The following EPSTI1 variants were observed in gnomAD, a reference collection of about 807,000 sequenced individuals.
EPSTI1 encodes the protein epithelial stromal interaction 1.
EPSTI1 carries 66 observed loss-of-function variants against 49.9 expected under a neutral mutation model. The ratio of observed to expected loss-of-function variants is 1.32; its 90% CI spans 1.08 to 1.62. The LOEUF is 1.62. Among genes scored for constraint, EPSTI1 ranks in the 40% most tolerant of loss-of-function variants. The pLI, the probability that EPSTI1 is intolerant of heterozygous loss-of-function variation, is 0.00. For synonymous variants in EPSTI1, 137 were observed against 130.7 expected (o/e 1.05, Z -0.33); for missense variants, 394 against 365.5 (o/e 1.08, Z -0.64).
chr13:42,989,632 C>A (rs1467072383), intron 1 of EPSTI1, among the ~76,000 whole-genome samples: 1 of 127,668 alleles, frequency 7.8e-6, no homozygotes, highest in Non-Finnish European at 1.6e-5. Context: ...CTCACTCTGT[C>A]GCCCAGGCTG....
intron 6 of EPSTI1, among the ~76,000 whole-genome samples, chr13:42,936,548 G>T (rs1780009689): frequency 6.6e-6 from 1 of 151,992 alleles, no homozygotes; most frequent in Non-Finnish European, 1.5e-5. Flanking sequence ...CTCTTAATTT[G>T]CCCGACTTCT....
At chr13:42,888,624 T>A (rs1244015021) in intron 10 of EPSTI1, 122 bp from the exon 11 acceptor site, 19 of 994,564 alleles carry the variant, frequency 1.9e-5, no homozygotes, top group Admixed American at 5.5e-5. Context: ...GACCATTTTT[T>A]AAAATTAACA....
At chr13:42,961,014 G>A (rs1472274560) in intron 5 of EPSTI1, among the ~76,000 whole-genome samples, 1 of 152,064 alleles carries the variant, frequency 6.6e-6, no homozygotes. Context: ...GATAAAACGT[G>A]GACATCTTGG....
At chr13:42,969,393 G>C in intron 2 of EPSTI1, 1 of 511,430 alleles carries the variant, frequency 2.0e-6, no homozygotes, top group Non-Finnish European at 3.4e-6. Context: ...AGTCAGCACA[G>C]AGGGTTCGAA....
intron 8 of EPSTI1, among the ~76,000 whole-genome samples, chr13:42,909,887 T>G (rs988819511): frequency 3.3e-5 from 5 of 152,154 alleles, no homozygotes; most frequent in Non-Finnish European, 7.3e-5. Flanking sequence ...TTAATGACAG[T>G]TGTAATTAAT....
chr13:42,948,145 C>T (rs1419644688), intron 6 of EPSTI1, among the ~76,000 whole-genome samples: 1 of 152,278 alleles, frequency 6.6e-6, no homozygotes, highest in Non-Finnish European at 1.5e-5. Context: ...AAGGCTTCAT[C>T]TAGGCCAGGC....
intron 2 of EPSTI1, 139 bp from the exon 3 acceptor site, chr13:42,969,316 A>T: frequency 1.2e-6 from 1 of 819,098 alleles, no homozygotes; most frequent in East Asian, 2.7e-5. Flanking sequence ...CAGGTTAGAA[A>T]CACAATATTC....
At chr13:42,888,572 T>C (rs35017473) in intron 10 of EPSTI1, 70 bp from the exon 11 acceptor site, 21,041 of 1,505,276 alleles carry the variant, frequency 0.014, 226 homozygotes, top group South Asian at 0.036. Context: ...TAGTCAAAAA[T>C]GAAGTTCCTG....
chr13:42,950,100 G>T (rs1309772223), intron 6 of EPSTI1, among the ~76,000 whole-genome samples: 1 of 152,172 alleles, frequency 6.6e-6, no homozygotes, highest in South Asian at 2.1e-4. Context: ...GCTAACTGCC[G>T]ATTTCTACCC....
chr13:42,980,872 C>CT (rs1359500381), intron 1 of EPSTI1, among the ~76,000 whole-genome samples: 10 of 152,098 alleles, frequency 6.6e-5, no homozygotes, highest in Non-Finnish European at 1.2e-4. Context: ...GCAGATATGA[C>CT]TTTACTTTTA....
At chr13:42,990,867 T>C (rs2040181847) in intron 1 of EPSTI1, among the ~76,000 whole-genome samples, 1 of 152,202 alleles carries the variant, frequency 6.6e-6, no homozygotes, top group Admixed American at 6.5e-5. Flanking sequence ...ATCTGGACAG[T>C]TCCAATTCAC....
At chr13:42,986,760 A>C (rs995250974) in intron 1 of EPSTI1, among the ~76,000 whole-genome samples, 14 of 151,380 alleles carry the variant, frequency 9.2e-5, no homozygotes, top group African/African-American at 3.2e-4. Flanking sequence ...AAAAAAAAAA[A>C]AAAAAAAAAA....
chr13:42,956,248 G>A (rs1016787433), intron 5 of EPSTI1, among the ~76,000 whole-genome samples: 1 of 152,208 alleles, frequency 6.6e-6, no homozygotes, highest in Non-Finnish European at 1.5e-5. Flanking sequence ...CACTGGGAAT[G>A]TGGTTTCTAA....
At chr13:42,941,426 C>T (rs1011731634) in intron 6 of EPSTI1, among the ~76,000 whole-genome samples, 2 of 151,436 alleles carry the variant, frequency 1.3e-5, no homozygotes, top group African/African-American at 4.9e-5. Flanking sequence ...TTAATTTTTC[C>T]CCAATAGTCA....
At chr13:42,959,403 A>G (rs2039374650) in intron 5 of EPSTI1, among the ~76,000 whole-genome samples, 2 of 152,234 alleles carry the variant, frequency 1.3e-5, no homozygotes, top group Non-Finnish European at 1.5e-5. Context: ...AGAAATGGAA[A>G]TGTTTCCCAA....
At chr13:42,977,086 CATA>C (rs1432165374) in intron 1 of EPSTI1, among the ~76,000 whole-genome samples, 1 of 152,178 alleles carries the variant, frequency 6.6e-6, no homozygotes, top group African/African-American at 2.4e-5. Flanking sequence ...ATGTACAAAG[CATA>C]ATGCTTTCAG....
At chr13:42,908,908 C>T (rs1387995148) in intron 8 of EPSTI1, among the ~76,000 whole-genome samples, 1 of 147,838 alleles carries the variant, frequency 6.8e-6, no homozygotes, top group Non-Finnish European at 1.5e-5. Context: ...CATGGTGAAA[C>T]CCTGTCTCGA....
At chr13:42,938,932 A>AAAAAAAAAAAAAAAAAAAAC (rs1566136910) in intron 6 of EPSTI1, among the ~76,000 whole-genome samples, 4 of 149,766 alleles carry the variant, frequency 2.7e-5, no homozygotes, top group Non-Finnish European at 3.0e-5. Context: ...AAAAAAAAAA[A>AAAAAAAAAAAAAAAAAAAAC]TCTGTTGTTT....
At position 42,917,639 on chromosome 13, in the gene EPSTI1, A is replaced by ACAT; in HGVS notation, c.658-16_658-15insATG. ...CAGCTTCTGGCCTGTAAAGGTACAA[A>ACAT]GAGAAAAAAAAAAAAAAAAACAACT... On this transcript the variant is annotated splice_polypyrimidine_tract_variant and intron_variant, in intron 7 of 10. Coordinates refer to ENST00000313624, the MANE Select transcript of EPSTI1 (RefSeq NM_033255.5). The ACAT allele has an allele frequency of 4.1e-5, 47 of 1,133,152 alleles. No individual in the cohort carries two copies. Among genetic ancestry groups the ACAT allele is most frequent in the Non-Finnish European group, 4.9e-5 (40 of 817,552 alleles). 70.2% of individuals were successfully genotyped at this position (1,133,152 alleles called of 1,614,324 possible). A position where few individuals can be genotyped will look rare whatever the true frequency, so the allele number is the denominator to read the frequency against.
Sources: allele counts gnomAD v4.1 joint callset (sites outside exome capture counted in the v4.1 genomes callset), GRCh38; gene constraint gnomAD v4.1.1; transcripts MANE v1.5; gene names NCBI Gene and HGNC (gene_info 2026-07-23, HGNC 2026-07-21).